The following CNTN4 variants were observed in gnomAD, a reference collection of about 807,000 sequenced individuals.
The protein encoded by CNTN4 is contactin-4.
In CNTN4, 77 loss-of-function variants were observed where a neutral mutation model predicts 122.5. That is an observed-to-expected ratio of 0.63 (90% CI 0.52 to 0.76). CNTN4 has a LOEUF of 0.76. Ranked by LOEUF, CNTN4 falls within the 30% of genes least tolerant of loss-of-function variation. The pLI is 0.00. For synonymous variants in CNTN4, 512 were observed against 447.0 expected, an observed-to-expected ratio of 1.15 and a Z score of -1.83; for missense variants, 1,256 against 1,259.1, an observed-to-expected ratio of 1.00 and a Z score of 0.04.
intron 2 of CNTN4, among the ~76,000 whole-genome samples, chr3:2,338,779 A>G (rs2044064317): frequency 6.6e-6 from 1 of 152,164 alleles, no homozygotes; most frequent in Non-Finnish European, 1.5e-5. Flanking sequence ...TATACCTAAC[A>G]AAAACGATGA....
At chr3:2,423,141 G>C (rs753928854) in intron 3 of CNTN4, among the ~76,000 whole-genome samples, 1 of 152,196 alleles carries the variant, frequency 6.6e-6, no homozygotes, top group Non-Finnish European at 1.5e-5. Flanking sequence ...CTGACTCCTA[G>C]AAGTGGTGTT....
At chr3:3,027,171 C>T (rs1446789834) in intron 15 of CNTN4, among the ~76,000 whole-genome samples, 2 of 152,148 alleles carry the variant, frequency 1.3e-5, no homozygotes, top group South Asian at 2.1e-4. Context: ...CAGTACTAGC[C>T]CTGTTCATCA....
At chr3:2,377,136 T>C (rs9844462) in intron 3 of CNTN4, among the ~76,000 whole-genome samples, 2,523 of 141,340 alleles carry the variant, frequency 0.018, 74 homozygotes, top group African/African-American at 0.063. Flanking sequence ...AGCCTGGCGA[T>C]AGAGCGAGAT....
At chr3:2,404,482 G>A (rs1231176271) in intron 3 of CNTN4, among the ~76,000 whole-genome samples, 2 of 152,100 alleles carry the variant, frequency 1.3e-5, no homozygotes, top group African/African-American at 4.8e-5. Context: ...AGAAATGATG[G>A]TAGAGTTCTT....
chr3:2,239,938 A>G (rs1261148304), intron 2 of CNTN4, among the ~76,000 whole-genome samples: 1 of 152,194 alleles, frequency 6.6e-6, no homozygotes, highest in Non-Finnish European at 1.5e-5. Context: ...AGAATCCCTC[A>G]TAACCATGTT....
chr3:2,451,210 A>G (rs1220324882), intron 3 of CNTN4, among the ~76,000 whole-genome samples: 1 of 152,194 alleles, frequency 6.6e-6, no homozygotes, highest in Non-Finnish European at 1.5e-5. Context: ...TTATCCAGAT[A>G]TGGTTATAGT....
chr3:2,410,597 C>G (rs565875936), intron 3 of CNTN4, among the ~76,000 whole-genome samples: 10 of 152,220 alleles, frequency 6.6e-5, no homozygotes, highest in Non-Finnish European at 1.3e-4. Context: ...TTGTATAGCC[C>G]ATTTCATTGC....
intron 13 of CNTN4, among the ~76,000 whole-genome samples, chr3:2,935,943 A>G (rs2094563932): frequency 1.3e-5 from 2 of 152,182 alleles, no homozygotes; most frequent in South Asian, 4.1e-4. Flanking sequence ...ATTTAGGTGC[A>G]AGGAGCAGCG....
chr3:2,369,541 T>C (rs1014384201), intron 3 of CNTN4, among the ~76,000 whole-genome samples: 1 of 152,122 alleles, frequency 6.6e-6, no homozygotes, highest in Non-Finnish European at 1.5e-5. Context: ...TTGCCAGAAA[T>C]CACAAATGTT....
intron 2 of CNTN4, among the ~76,000 whole-genome samples, chr3:2,176,692 T>C (rs2036761892): frequency 6.6e-6 from 1 of 152,128 alleles, no homozygotes; most frequent in Admixed American, 6.6e-5. Context: ...GGACCAAGAT[T>C]ATCACTTTTA....
intron 7 of CNTN4, among the ~76,000 whole-genome samples, chr3:2,852,300 G>T (rs1043987485): frequency 4.6e-5 from 7 of 152,052 alleles, no homozygotes; most frequent in Non-Finnish European, 1.0e-4. Context: ...GTCAAATGAA[G>T]TAACATAAAT....
At chr3:2,711,398 G>T (rs189575182) in intron 4 of CNTN4, among the ~76,000 whole-genome samples, 49 of 152,202 alleles carry the variant, frequency 3.2e-4, no homozygotes, top group African/African-American at 1.0e-3. Context: ...TCTTTTAAAT[G>T]TTAGAAACTC....
chr3:2,618,544 A>G (rs1471059021), intron 4 of CNTN4, among the ~76,000 whole-genome samples: 1 of 152,182 alleles, frequency 6.6e-6, no homozygotes, highest in Non-Finnish European at 1.5e-5. Flanking sequence ...AACCTATGAA[A>G]TAGGTATATT....
chr3:2,540,690 G>T (rs2077998214), intron 3 of CNTN4, among the ~76,000 whole-genome samples: 1 of 152,142 alleles, frequency 6.6e-6, no homozygotes, highest in South Asian at 2.1e-4. Context: ...TTAAGTAATT[G>T]TGAGTCAAAA....
intron 6 of CNTN4, among the ~76,000 whole-genome samples, chr3:2,752,339 T>A (rs2090135591): frequency 6.6e-6 from 1 of 152,172 alleles, no homozygotes; most frequent in East Asian, 1.9e-4. Flanking sequence ...CTTCTGAAAA[T>A]TAGAGTAAAT....
rs748041521 is a variant in CNTN4, at chr3:2,745,630, G to A, written c.291G>A (p.Thr97=). The A allele has an allele frequency of 4.3e-6, 7 of 1,614,122 alleles. No individual in the cohort carries two copies. Among genetic ancestry groups the A allele is most frequent in the South Asian group, 2.2e-5 (2 of 91,088 alleles). ...CCAATAAAACCCAAGATGCTGGAAC[G>A]TACCAGTGCACAGCGACAAACTCGT... ...NNPNKTQDAG[T]YQCTATNSFG... Residue 97 remains threonine, a synonymous_variant, in exon 6 of 25, where the codon ACG becomes ACA. Transcript: ENST00000418658.
chr3:2,180,305 T>A (rs2036957463), intron 2 of CNTN4, among the ~76,000 whole-genome samples: 1 of 152,048 alleles, frequency 6.6e-6, no homozygotes, highest in Non-Finnish European at 1.5e-5. Context: ...ACATTTATTA[T>A]CAAATTCATT....
At chr3:2,332,743 G>A (rs1165923314) in intron 2 of CNTN4, among the ~76,000 whole-genome samples, 1 of 133,418 alleles carries the variant, frequency 7.5e-6, no homozygotes, top group Non-Finnish European at 1.6e-5. Context: ...AGTGGGGAGG[G>A]GGGAGGGATA....
chr3:2,792,176 A>G lies in CNTN4; in HGVS notation c.359-27310A>G, dbSNP rs1393531593. 3.9e-5 allele frequency among the ~76,000 whole-genome samples: 6 copies of G among 152,196 alleles called. No individual in the cohort carries two copies. The East Asian group carries it at 7.7e-4, about 20-fold the overall frequency. ...ACTCATGCATCCCAGCACTTAAGAC[A>G]TGGACATTCTTTCGGGGGGCCCTTA... On this transcript the variant is annotated intron_variant, in intron 6 of 24. Coordinates refer to ENST00000418658, the MANE Select transcript of CNTN4 (RefSeq NM_175607.3).
Sources: allele counts gnomAD v4.1 joint callset (sites outside exome capture counted in the v4.1 genomes callset), GRCh38; gene constraint gnomAD v4.1.1; transcripts MANE v1.5; gene names NCBI Gene and HGNC (gene_info 2026-07-23, HGNC 2026-07-21).